The following PCDH15 variants were observed in gnomAD, a reference collection of about 807,000 sequenced individuals.
The protein encoded by PCDH15 is protocadherin-15.
Under a neutral mutation model 178.5 loss-of-function variants are expected in PCDH15, and 129 were observed. That is an observed-to-expected ratio of 0.72 (90% confidence interval 0.63 to 0.84). The LOEUF is 0.84. PCDH15 is among the 40% of genes least tolerant of loss of function. The probability of loss-of-function intolerance (pLI) is 0.00; values close to 1 mark genes in which losing one functional copy is unlikely to be tolerated. For synonymous variants in PCDH15, 800 were observed against 732.0 expected (o/e 1.09, Z -1.50); for missense variants, 2,230 against 2,099.9 (o/e 1.06, Z -1.21).
intron 2 of PCDH15, among the ~76,000 whole-genome samples, chr10:55,408,755 T>A (rs1317392508): frequency 6.6e-6 from 1 of 151,776 alleles, no homozygotes; most frequent in Non-Finnish European, 1.5e-5. Context: ...TTTTAAGTAG[T>A]TTCGTCTAGT....
At chr10:55,426,746 G>A (rs141689571) in intron 2 of PCDH15, among the ~76,000 whole-genome samples, 41 of 152,260 alleles carry the variant, frequency 2.7e-4, no homozygotes, top group Middle Eastern at 3.4e-3. Context: ...TGGTAAATGC[G>A]GATGATTTTC....
chr10:55,217,701 C>T (rs866265549), intron 1 of PCDH15, among the ~76,000 whole-genome samples: 4 of 151,816 alleles, frequency 2.6e-5, no homozygotes, highest in African/African-American at 4.8e-5. Context: ...AAGATGATTA[C>T]AAGATACTTC....
intron 3 of PCDH15, among the ~76,000 whole-genome samples, chr10:54,824,212 C>T (rs912144792): frequency 6.6e-6 from 1 of 151,980 alleles, no homozygotes; most frequent in Non-Finnish European, 1.5e-5. Flanking sequence ...AAAGTACTGC[C>T]TCAGGATTTA....
intron 2 of PCDH15, among the ~76,000 whole-genome samples, chr10:55,516,760 T>C (rs1249591581): frequency 6.6e-6 from 1 of 152,122 alleles, no homozygotes; most frequent in Non-Finnish European, 1.5e-5. Context: ...ATTTAGTGCT[T>C]TGTGACTGCA....
chr10:54,093,211 T>C (rs774414566), intron 15 of PCDH15, among the ~76,000 whole-genome samples: 2 of 152,282 alleles, frequency 1.3e-5, no homozygotes, highest in Admixed American at 6.5e-5. Flanking sequence ...ATTTGCCTAC[T>C]TCATTCTTAT....
At chr10:54,347,807 TATAAA>T (rs986088135) in intron 5 of PCDH15, among the ~76,000 whole-genome samples, 1 of 152,152 alleles carries the variant, frequency 6.6e-6, no homozygotes, top group Non-Finnish European at 1.5e-5. Context: ...TTTAATTGTA[TATAAA>T]ATATCTTGAT....
upstream of PCDH15, among the ~76,000 whole-genome samples, chr10:54,804,126 G>C (rs192324732): frequency 2.0e-5 from 3 of 151,776 alleles, no homozygotes; most frequent in Non-Finnish European, 4.4e-5. Context: ...TGCAAGCTCC[G>C]CCTCCTGGGT....
chr10:55,603,057 C>T (rs973124470), intron 2 of PCDH15, among the ~76,000 whole-genome samples: 1 of 151,968 alleles, frequency 6.6e-6, no homozygotes, highest in African/African-American at 2.4e-5. Context: ...GCTGATGGAG[C>T]TGAAAACCAA....
At chr10:55,344,794 C>T (rs1248490179) in intron 2 of PCDH15, among the ~76,000 whole-genome samples, 1 of 151,952 alleles carries the variant, frequency 6.6e-6, no homozygotes, top group African/African-American at 2.4e-5. Context: ...ATTGGATTTA[C>T]GGTTCTGTGA....
intron 2 of PCDH15, among the ~76,000 whole-genome samples, chr10:54,569,891 G>A (rs1162702842): frequency 6.6e-6 from 1 of 152,076 alleles, no homozygotes; most frequent in African/African-American, 2.4e-5. Context: ...CTCAGTATAC[G>A]TTGAAGTCAG....
chr10:55,534,007 G>C (rs1841514897), intron 2 of PCDH15, among the ~76,000 whole-genome samples: 3 of 152,014 alleles, frequency 2.0e-5, no homozygotes, highest in Admixed American at 6.6e-5. Context: ...AATAATTGCT[G>C]CTGAGGTAAC....
chr10:54,127,246 C>T (rs536609891), intron 15 of PCDH15, among the ~76,000 whole-genome samples: 1 of 152,146 alleles, frequency 6.6e-6, no homozygotes, highest in East Asian at 1.9e-4. Context: ...TATTCCATTG[C>T]AAAAAGGGTC....
At chr10:54,191,751 C>A (rs1395306905) in intron 11 of PCDH15, among the ~76,000 whole-genome samples, 347 of 130,150 alleles carry the variant, frequency 2.7e-3, no homozygotes, top group Middle Eastern at 4.5e-3. Flanking sequence ...ACAAAAAATG[C>A]AAAAAAAAAA....
chr10:54,345,829 A>AAAAAAAG (rs1943174122), intron 6 of PCDH15, among the ~76,000 whole-genome samples: 3 of 137,204 alleles, frequency 2.2e-5, no homozygotes, highest in Admixed American at 7.9e-5. Context: ...AAAAAAAAAA[A>AAAAAAAG]AAAAAGAAAT....
intron 5 of PCDH15, among the ~76,000 whole-genome samples, chr10:54,363,238 G>T (rs16906032): frequency 0.054 from 8,171 of 152,198 alleles, 255 homozygotes; most frequent in Admixed American, 0.098. Context: ...ATGCAGTATT[G>T]TTGCAGATAA....
chr10:54,326,488 C>A (rs1013160128), intron 7 of PCDH15, among the ~76,000 whole-genome samples: 1 of 151,974 alleles, frequency 6.6e-6, no homozygotes, highest in Non-Finnish European at 1.5e-5. Context: ...TTATATAATA[C>A]TGTAATAATG....
chr10:55,129,067 G>A (rs999510058), intron 2 of PCDH15, among the ~76,000 whole-genome samples: 3 of 152,094 alleles, frequency 2.0e-5, no homozygotes, highest in African/African-American at 7.2e-5. Context: ...ACAATTAATA[G>A]TTCCTTTATA....
At chr10:54,615,708 A>G (rs1053529861) in intron 2 of PCDH15, among the ~76,000 whole-genome samples, 48 of 14,470 alleles carry the variant, frequency 3.3e-3, no homozygotes, top group Non-Finnish European at 5.4e-3. Context: ...CATACAAATA[A>G]CAACGTGTGA....
chr10:55,196,116 T>C (rs570162499), intron 1 of PCDH15, among the ~76,000 whole-genome samples: 1 of 152,258 alleles, frequency 6.6e-6, no homozygotes, highest in African/African-American at 2.4e-5. Context: ...TGAAGTATAA[T>C]GGCTACTTTT....
Sources: gnomAD v4.1 joint callset for allele counts (sites outside exome capture counted in the v4.1 genomes callset) on GRCh38, gnomAD v4.1.1 for gene constraint, MANE v1.5 for transcripts, NCBI Gene and HGNC (gene_info 2026-07-23, HGNC 2026-07-21) for gene names.